TOP2B: variants seen among roughly 807,000 people sequenced by gnomAD.
TOP2B encodes DNA topoisomerase 2-beta.
TOP2B carries 51 observed loss-of-function variants against 193.5 expected under a neutral mutation model. That is an observed-to-expected ratio of 0.26 (90% CI 0.21 to 0.33). The LOEUF (loss-of-function observed/expected upper bound fraction) is 0.33. Ranked by LOEUF, TOP2B falls within the 10% of genes least tolerant of loss-of-function variation. The pLI is 1.00. For missense variants in TOP2B, 1,378 were observed against 1,909.3 expected (o/e 0.72, Z 5.19); for synonymous variants, 634 against 635.7 (o/e 1.00, Z 0.04).
chr3:25,598,465 TC>T lies in TOP2B; in HGVS notation c.4722del (p.Thr1575HisfsTer33). 1 of 1,578,738 alleles carries T rather than the reference TC, an allele frequency of 6.3e-7. No homozygotes were observed. The highest frequency in any genetic ancestry group is 2.3e-5 in the East Asian group (1 of 44,400). ...TSKTTSKKPK[K>X]TSFDQDSDVD... ...ACATCTGAATCCTGATCAAAAGATGTCTTCTTCGGTTTCTAGATTTTTTTTC... is the reference window on the plus strand; with the variant it reads ...ACATCTGAATCCTGATCAAAAGATGTTTCTTCGGTTTCTAGATTTTTTTTC... On this transcript the variant is annotated frameshift_variant, in exon 36 of 36. Coordinates refer to ENST00000264331, the MANE Select transcript of TOP2B (RefSeq NM_001330700.2). LOFTEE classifies it high-confidence loss of function.
intron 20 of TOP2B, 118 bp downstream of exon 20, chr3:25,624,179 C>A (rs2125369834): frequency 8.0e-7 from 1 of 1,245,726 alleles, no homozygotes; most frequent in Non-Finnish European, 1.1e-6. Flanking sequence ...GAACATTCAC[C>A]TTCTAAGTAG....
intron 1 of TOP2B, among the ~76,000 whole-genome samples, chr3:25,652,511 T>C (rs1015309948): frequency 6.6e-6 from 1 of 152,068 alleles, no homozygotes; most frequent in Non-Finnish European, 1.5e-5. Flanking sequence ...TAGAAATCAA[T>C]AGTAGAAGGA....
chr3:25,624,292 T>C lies in TOP2B; in HGVS notation c.2495+5A>G, dbSNP rs752499400. Reference sequence around the variant, plus strand: ...CTTTATACCATTATATCAGCAAATATTTACCTTAACATTGTGAAAATATAA... The same window carrying C: ...CTTTATACCATTATATCAGCAAATACTTACCTTAACATTGTGAAAATATAA... On this transcript the variant is annotated splice_donor_5th_base_variant and intron_variant, in intron 20 of 35. Transcript: ENST00000264331. The C allele has an allele frequency of 1.9e-6, 3 of 1,613,338 alleles. No individual in the cohort carries two copies. The highest frequency in any genetic ancestry group is 1.7e-5 in the Admixed American group (1 of 59,912).
At chr3:25,603,756 TAAG>T (rs772998069) in intron 33 of TOP2B, among the ~76,000 whole-genome samples, 1 of 152,192 alleles carries the variant, frequency 6.6e-6, no homozygotes, top group African/African-American at 2.4e-5. Context: ...CTTAATTCCA[TAAG>T]AAATTTTTGA....
intron 1 of TOP2B, among the ~76,000 whole-genome samples, chr3:25,648,733 A>G (rs1030120103): frequency 1.3e-5 from 2 of 152,074 alleles, no homozygotes; most frequent in Non-Finnish European, 2.9e-5. Context: ...GTGGTAGTGC[A>G]CACTTGTAGT....
chr3:25,619,996 C>A lies in TOP2B; in HGVS notation c.2929G>T (p.Asp977Tyr). The A allele has an allele frequency of 6.2e-7, 1 of 1,601,728 alleles. No individual in the cohort carries two copies. Among genetic ancestry groups the A allele is most frequent in the Non-Finnish European group, 8.5e-7 (1 of 1,171,658 alleles). Reference protein sequence around the residue: ...GTDKTPALISDYKEYHTDTTV... With the variant: ...GTDKTPALISYYKEYHTDTTV... ...GTGTCAGTATGATATTCTTTATAAT[C>A]AGAAATTAATGCTGGTGTTTTATCT... Residue 977 changes from aspartate (D) to tyrosine (Y), a missense_variant, in exon 23 of 36, where the codon GAT becomes TAT. This residue lies in a region of TOP2B where 379 missense variants were observed against 615.1 expected (regional missense o/e 0.62). Coordinates refer to ENST00000264331, the MANE Select transcript of TOP2B (RefSeq NM_001330700.2).
intron 33 of TOP2B, among the ~76,000 whole-genome samples, chr3:25,602,750 A>G (rs1390479699): frequency 1.3e-5 from 2 of 152,200 alleles, no homozygotes; most frequent in East Asian, 3.9e-4. Context: ...GCTTGGAGTT[A>G]CATGGCACTT....
chr3:25,602,673 C>T (rs1404286003), intron 33 of TOP2B, among the ~76,000 whole-genome samples: 1 of 152,094 alleles, frequency 6.6e-6, no homozygotes, highest in African/African-American at 2.4e-5. Flanking sequence ...CCACAAGAAC[C>T]ACAGGGCAGC....
rs868144278 is a variant in TOP2B, at chr3:25,612,619, G to A, written c.3682C>T (p.Leu1228Phe). Residue 1228 changes from leucine (L) to phenylalanine (F), a missense_variant, in exon 28 of 36, where the codon CTC becomes TTC. Around this residue, in one of 9 missense-constraint regions of TOP2B, gnomAD observed 556 missense variants for 584.2 expected, o/e 0.95. Coordinates refer to ENST00000264331, the MANE Select transcript of TOP2B (RefSeq NM_001330700.2). Reference protein sequence around the residue: ...GKVGKPKVKKLQLEETMPSPY... With the variant: ...GKVGKPKVKKFQLEETMPSPY... The stretch of plus-strand genomic sequence containing the variant: ...GAGGGCATTGTCTCTTCCAACTGGA[G>A]TTTCTTCACCTTAGGTTTGCCAACT... The A allele has an allele frequency of 6.2e-7, 1 of 1,613,714 alleles. No individual in the cohort carries two copies. Among genetic ancestry groups the A allele is most frequent in the Middle Eastern group, 1.7e-4 (1 of 6,058 alleles).
In TOP2B at chr3:25,664,782, AG is replaced by A; in HGVS notation, c.-486del. On this transcript the variant is annotated 5_prime_UTR_variant, in exon 1 of 36. Coordinates refer to ENST00000264331, the MANE Select transcript of TOP2B (RefSeq NM_001330700.2). ...GTCCCGGTCGCCGCCGCTGCTTCAA[AG>A]GCAGCCTTAGCCTCGCTGCAGCCCC... The A allele has an allele frequency of 2.0e-6, 2 of 986,474 alleles. No homozygotes were observed. The highest frequency in any genetic ancestry group is 2.4e-6 in the Non-Finnish European group (2 of 828,862). 61.1% of individuals were successfully genotyped at this position (986,474 alleles called of 1,614,324 possible).
At chr3:25,637,747 T>A (rs1454653384) in intron 5 of TOP2B, among the ~76,000 whole-genome samples, 1 of 151,972 alleles carries the variant, frequency 6.6e-6, no homozygotes, top group East Asian at 1.9e-4. Context: ...TAAATAAGTA[T>A]GAAAATATAT....
chr3:25,652,021 G>A (rs1703605988), intron 1 of TOP2B, among the ~76,000 whole-genome samples: 1 of 152,202 alleles, frequency 6.6e-6, no homozygotes, highest in South Asian at 2.1e-4. Context: ...AGATATTCCA[G>A]AAAACTGGAA....
intron 22 of TOP2B, among the ~76,000 whole-genome samples, 193 bp downstream of exon 22, chr3:25,620,489 G>A (rs1319343702): frequency 1.3e-5 from 2 of 151,948 alleles, no homozygotes; most frequent in African/African-American, 4.8e-5. Context: ...CCTAACATAA[G>A]TCATACTACG....
Position 25,599,611 on chromosome 3 carries a change from C to A in TOP2B, c.4616-82G>T. 21 of 1,307,360 alleles carry A rather than the reference C, an allele frequency of 1.6e-5. No homozygotes were observed. The South Asian group carries it at 2.7e-4, about 17-fold the overall frequency. 81.0% of individuals were successfully genotyped at this position (1,307,360 alleles called of 1,614,324 possible). ...AATGCCACAACATTGTAGTTTATTTCTTTGGCATGCCCAATCAGTGGAGCA... is the reference window on the plus strand; with the variant it reads ...AATGCCACAACATTGTAGTTTATTTATTTGGCATGCCCAATCAGTGGAGCA... On this transcript the variant is annotated intron_variant, in intron 34 of 35. Coordinates refer to ENST00000264331, the MANE Select transcript of TOP2B (RefSeq NM_001330700.2).
chr3:25,652,042 G>A (rs2125404421), intron 1 of TOP2B, among the ~76,000 whole-genome samples: 1 of 152,302 alleles, frequency 6.6e-6, no homozygotes, highest in Non-Finnish European at 1.5e-5. Context: ...TCTGAAGAGA[G>A]TGGCCGTACT....
intron 1 of TOP2B, among the ~76,000 whole-genome samples, chr3:25,659,439 T>C (rs895104412): frequency 6.6e-6 from 1 of 152,230 alleles, no homozygotes; most frequent in Non-Finnish European, 1.5e-5. Context: ...GAAGGGAGAA[T>C]GTATGTGTGA....
chr3:25,600,321 A>G (rs1210137618), intron 34 of TOP2B, among the ~76,000 whole-genome samples: 1 of 152,262 alleles, frequency 6.6e-6, no homozygotes, highest in Admixed American at 6.5e-5. Flanking sequence ...ACGAAGATAG[A>G]CTTAAATAAT....
intron 1 of TOP2B, among the ~76,000 whole-genome samples, chr3:25,657,379 G>A (rs1380216164): frequency 1.3e-5 from 2 of 152,136 alleles, no homozygotes; most frequent in African/African-American, 2.4e-5. Context: ...GAAGCTAAAT[G>A]AGAAACCTAT....
chr3:25,613,398 G>T (rs1305980301), intron 27 of TOP2B, among the ~76,000 whole-genome samples: 1 of 152,134 alleles, frequency 6.6e-6, no homozygotes, highest in African/African-American at 2.4e-5. Flanking sequence ...GATAGTTCTG[G>T]ATTTCAACTG....
Sources: allele counts gnomAD v4.1 joint callset (sites outside exome capture counted in the v4.1 genomes callset), GRCh38; gene constraint gnomAD v4.1.1; regional missense constraint gnomAD v4.1.1; transcripts MANE v1.5; gene names NCBI Gene and HGNC (gene_info 2026-07-23, HGNC 2026-07-21).